Variants in ASTN2 observed in about 807,000 individuals in gnomAD.
The protein encoded by ASTN2 is astrotactin-2.
ASTN2 carries 54 observed loss-of-function variants against 139.8 expected under a neutral mutation model. That is an observed-to-expected ratio of 0.39 (90% CI 0.31 to 0.48). The LOEUF (loss-of-function observed/expected upper bound fraction) is 0.48, where lower values mean the gene tolerates loss of function less well. Ranked by LOEUF, ASTN2 falls within the 20% of genes least tolerant of loss-of-function variation. The probability of loss-of-function intolerance (pLI) is 0.95; values close to 1 mark genes in which losing one functional copy is unlikely to be tolerated. For synonymous variants in ASTN2, 756 were observed against 719.5 expected (o/e 1.05, Z -0.81); for missense variants, 1,565 against 1,725.1 (o/e 0.91, Z 1.64).
intron 15 of ASTN2, 96 bp downstream of exon 15, chr9:116,728,896 C>T (rs1828703250): frequency 1.0e-6 from 1 of 982,868 alleles, no homozygotes; most frequent in South Asian, 1.5e-5. Context: ...TCCTCAGCAT[C>T]CCCAGTGCTC....
At chr9:116,641,178 GT>G (rs1857310726) in intron 17 of ASTN2, among the ~76,000 whole-genome samples, 1 of 152,224 alleles carries the variant, frequency 6.6e-6, no homozygotes, top group South Asian at 2.1e-4. Flanking sequence ...GTGAATCAAT[GT>G]AGACAGAGAT....
chr9:116,676,466 G>T (rs1859506873), intron 16 of ASTN2, among the ~76,000 whole-genome samples: 1 of 152,156 alleles, frequency 6.6e-6, no homozygotes, highest in Non-Finnish European at 1.5e-5. Context: ...AGGCTGGTCA[G>T]TTACAAACTT....
chr9:116,911,503 A>C (rs972423024), intron 10 of ASTN2, among the ~76,000 whole-genome samples: 15 of 152,198 alleles, frequency 9.9e-5, no homozygotes, highest in African/African-American at 3.6e-4. Flanking sequence ...TAGTGGAAAA[A>C]CTGGTGAAAT....
rs563944356 is a variant in ASTN2 at position 116,913,102 on chromosome 9, C to T, written c.1890-49369G>A. ...CATCTTTAGTAGAAACAGAGTTTCG[C>T]CATATTGGGCAGGCTGGTTTTGAAC... is the stretch of plus-strand genomic sequence containing the variant. On this transcript the variant is annotated intron_variant, in intron 10 of 22. Coordinates refer to ENST00000313400, the MANE Select transcript of ASTN2 (RefSeq NM_001365068.1). Among the ~76,000 whole-genome samples, 3 of 152,218 alleles carry T rather than the reference C, an allele frequency of 2.0e-5. No individual in the cohort carries two copies. The South Asian group carries it at 6.2e-4, about 32-fold the overall frequency.
chr9:117,074,071 G>A (rs2030919505), intron 5 of ASTN2, among the ~76,000 whole-genome samples: 1 of 144,562 alleles, frequency 6.9e-6, no homozygotes, highest in Admixed American at 7.1e-5. Context: ...GAATGAGCAA[G>A]ACAGCGTTCT....
chr9:116,496,914 A>G (rs1303775626), intron 19 of ASTN2, among the ~76,000 whole-genome samples: 5 of 152,152 alleles, frequency 3.3e-5, no homozygotes, highest in Admixed American at 1.3e-4. Context: ...CCATGATTCA[A>G]TTACCTCCCA....
intron 19 of ASTN2, among the ~76,000 whole-genome samples, chr9:116,512,547 T>A (rs1310803847): frequency 6.6e-6 from 1 of 152,310 alleles, no homozygotes; most frequent in East Asian, 1.9e-4. Context: ...GTTCAATTCC[T>A]GGATATCCTC....
intron 13 of ASTN2, among the ~76,000 whole-genome samples, chr9:116,738,109 G>T (rs557178380): frequency 2.0e-5 from 3 of 148,912 alleles, no homozygotes; most frequent in Non-Finnish European, 4.5e-5. Flanking sequence ...GGAGAATGGC[G>T]TGAACCCGGG....
At chr9:116,847,543 G>A (rs1832476607) in intron 11 of ASTN2, among the ~76,000 whole-genome samples, 1 of 152,202 alleles carries the variant, frequency 6.6e-6, no homozygotes, top group Non-Finnish European at 1.5e-5. Context: ...TAGCCTTTGT[G>A]TAGCTCATTA....
rs368166563 is a variant in ASTN2 at position 116,633,803 on chromosome 9, G to A, written c.3073-13360C>T. Among the ~76,000 whole-genome samples the A allele has an allele frequency of 3.9e-4, 59 of 152,286 alleles. No homozygotes were observed. In the South Asian group the frequency reaches 4.6e-3, roughly 12 times the overall value. The stretch of plus-strand genomic sequence containing the variant: ...GAAAATAAAGGTCACAGGACAGGAG[G>A]GGACATGCTTAGTCTAGCTAGACTC... On this transcript the variant is annotated intron_variant, in intron 17 of 22. Coordinates refer to ENST00000313400, the MANE Select transcript of ASTN2 (RefSeq NM_001365068.1).
At chr9:116,655,143 A>G (rs10983293) in intron 16 of ASTN2, among the ~76,000 whole-genome samples, 11,215 of 152,304 alleles carry the variant, frequency 0.074, 500 homozygotes, top group East Asian at 0.13. Context: ...TCTAAGTCTC[A>G]CACACTTGTA....
At chr9:117,377,692 A>G (rs1408885530) in intron 1 of ASTN2, among the ~76,000 whole-genome samples, 1 of 151,700 alleles carries the variant, frequency 6.6e-6, no homozygotes, top group African/African-American at 2.4e-5. Flanking sequence ...TCACTGTAGC[A>G]TACTTTTAAT....
At chr9:116,723,037 C>T (rs576042432) in intron 16 of ASTN2, among the ~76,000 whole-genome samples, 140 of 152,044 alleles carry the variant, frequency 9.2e-4, no homozygotes, top group Admixed American at 1.4e-3. Flanking sequence ...TGGTGGCGGG[C>T]GCCTGTAGTC....
At chr9:117,159,259 C>T (rs574296937) in intron 3 of ASTN2, among the ~76,000 whole-genome samples, 2 of 151,560 alleles carry the variant, frequency 1.3e-5, no homozygotes, top group East Asian at 1.9e-4. Flanking sequence ...TTTTAAAATC[C>T]CCCCTTCTTT....
intron 5 of ASTN2, among the ~76,000 whole-genome samples, chr9:117,045,395 C>T (rs1194310781): frequency 6.6e-6 from 1 of 151,548 alleles, no homozygotes; most frequent in Non-Finnish European, 1.5e-5. Flanking sequence ...TTCCCCATTA[C>T]TTGCAGGGGA....
chr9:116,483,826 C>T (rs927372037), intron 20 of ASTN2, among the ~76,000 whole-genome samples: 8 of 152,186 alleles, frequency 5.3e-5, no homozygotes, highest in African/African-American at 1.9e-4. Context: ...GATGCTGACA[C>T]TGCAGAACAG....
At chr9:116,472,810 C>T (rs1334457537) in intron 20 of ASTN2, among the ~76,000 whole-genome samples, 1 of 151,816 alleles carries the variant, frequency 6.6e-6, no homozygotes, top group African/African-American at 2.4e-5. Flanking sequence ...ACCTGTAATT[C>T]CAGCTACTCA....
At chr9:116,464,536 C>T (rs537491523) in intron 20 of ASTN2, among the ~76,000 whole-genome samples, 1 of 152,232 alleles carries the variant, frequency 6.6e-6, no homozygotes, top group African/African-American at 2.4e-5. Flanking sequence ...AATTATCTTC[C>T]TTGAGAGCAG....
intron 3 of ASTN2, among the ~76,000 whole-genome samples, chr9:117,178,948 T>C (rs1269317616): frequency 2.6e-5 from 4 of 152,248 alleles, no homozygotes; most frequent in Admixed American, 1.3e-4. Context: ...AGCCCTCTCA[T>C]AGCCTGTTTT....
Sources: gnomAD v4.1 joint callset for allele counts (sites outside exome capture counted in the v4.1 genomes callset) on GRCh38, gnomAD v4.1.1 for gene constraint, MANE v1.5 for transcripts, NCBI Gene and HGNC (gene_info 2026-07-23, HGNC 2026-07-21) for gene names.